Variants in DEPTOR observed in about 807,000 individuals in gnomAD.
DEPTOR encodes DEP domain containing MTOR interacting protein, also known as DEP domain-containing mTOR-interacting protein.
DEPTOR carries 41 observed loss-of-function variants against 41.6 expected under a neutral mutation model. The ratio of observed to expected loss-of-function variants is 0.98; its 90% confidence interval spans 0.77 to 1.28. The LOEUF (loss-of-function observed/expected upper bound fraction) is 1.28. Ranked by LOEUF, DEPTOR falls within the 50% of genes most tolerant of loss-of-function variation. The pLI is 0.00. For synonymous variants in DEPTOR, 195 were observed against 192.3 expected (o/e 1.01, Z -0.12); for missense variants, 514 against 527.9 (o/e 0.97, Z 0.26).
chr8:120,025,265 C>T (rs1237401416), intron 8 of DEPTOR, among the ~76,000 whole-genome samples: 1 of 152,194 alleles, frequency 6.6e-6, no homozygotes, highest in Non-Finnish European at 1.5e-5. Context: ...GGACATTTCA[C>T]TCATTTTCAG....
chr8:119,889,318 C>G (rs1001856466), intron 1 of DEPTOR, among the ~76,000 whole-genome samples: 1 of 151,398 alleles, frequency 6.6e-6, no homozygotes, highest in African/African-American at 2.4e-5. Flanking sequence ...AGGCTGAGGT[C>G]GGAAGATGGC....
At chr8:119,920,462 C>T (rs117723722) in intron 1 of DEPTOR, among the ~76,000 whole-genome samples, 4 of 152,064 alleles carry the variant, frequency 2.6e-5, no homozygotes, top group East Asian at 1.9e-4. Context: ...GCTGGGAAAA[C>T]GTTCACAGAG....
At position 120,001,615 on chromosome 8, in the gene DEPTOR, A is replaced by G. The variant is rs144026723; in HGVS notation, c.695A>G (p.Asn232Ser). 520 of 1,613,924 alleles carry G rather than the reference A, an allele frequency of 3.2e-4. 2 individuals are homozygous for G. Among genetic ancestry groups the G allele is most frequent in the South Asian group, 1.5e-3 (133 of 91,064 alleles). The change falls in exon 5 of 9, where the codon AAT becomes AGT. Residue 232 changes from asparagine (N) to serine (S), a missense_variant. Physicochemically the swap from Asn to Ser is conservative, Grantham distance 46. Coordinates refer to ENST00000286234, the MANE Select transcript of DEPTOR (RefSeq NM_022783.4). Reference protein sequence around the residue: ...RRRRRLMELLNEKSPSSQETH... With the variant: ...RRRRRLMELLSEKSPSSQETH... ...AGGCGAAGACTGATGGAGCTGCTCA[A>G]TGAAAAGTCCCCCTCCTCCCAGGAA... is the stretch of plus-strand genomic sequence containing the variant.
At chr8:119,955,542 C>A (rs1828407190) in intron 3 of DEPTOR, among the ~76,000 whole-genome samples, 1 of 151,896 alleles carries the variant, frequency 6.6e-6, no homozygotes, top group Non-Finnish European at 1.5e-5. Context: ...TCTTGGCTCA[C>A]CGCAACCTCT....
chr8:119,938,885 CTCTCTCTTTCTCTT>C (rs1490011507), intron 3 of DEPTOR, among the ~76,000 whole-genome samples: 1 of 97,870 alleles, frequency 1.0e-5, no homozygotes, highest in Non-Finnish European at 2.5e-5. Context: ...CTTCCCCTCT[CTCTCTCTTTCTCTT>C]TCTCTCTTTC....
At chr8:119,901,535 G>A (rs1827590174) in intron 1 of DEPTOR, among the ~76,000 whole-genome samples, 1 of 152,094 alleles carries the variant, frequency 6.6e-6, no homozygotes, top group Non-Finnish European at 1.5e-5. Context: ...AATTAGCTGT[G>A]TGTGGTGGCA....
At chr8:120,029,098 C>T (rs1451165553) in intron 8 of DEPTOR, among the ~76,000 whole-genome samples, 1 of 151,528 alleles carries the variant, frequency 6.6e-6, no homozygotes, top group Non-Finnish European at 1.5e-5. Flanking sequence ...CAATATTGCT[C>T]ATGCACTCAT....
chr8:120,048,419 G>A (rs917320238), intron 8 of DEPTOR, among the ~76,000 whole-genome samples: 1 of 152,192 alleles, frequency 6.6e-6, no homozygotes, highest in Non-Finnish European at 1.5e-5. Flanking sequence ...TGACCTGTTT[G>A]TGTGACCTTG....
At chr8:119,961,594 C>T (rs1030549528) in intron 3 of DEPTOR, among the ~76,000 whole-genome samples, 4 of 152,022 alleles carry the variant, frequency 2.6e-5, no homozygotes, top group Non-Finnish European at 5.9e-5. Flanking sequence ...GCTTAATTAC[C>T]TCCAAATGCA....
intron 1 of DEPTOR, among the ~76,000 whole-genome samples, chr8:119,918,825 C>T (rs1377739938): frequency 1.3e-5 from 2 of 151,984 alleles, no homozygotes; most frequent in African/African-American, 4.8e-5. Context: ...AACTCCCAAC[C>T]TCAGGTGATC....
At chr8:119,918,040 A>G (rs570487605) in intron 1 of DEPTOR, among the ~76,000 whole-genome samples, 30 of 152,276 alleles carry the variant, frequency 2.0e-4, no homozygotes, top group African/African-American at 6.0e-4. Flanking sequence ...CTATTATCCT[A>G]TGATCCTGCC....
intron 2 of DEPTOR, 57 bp downstream of exon 2, chr8:119,928,635 C>G: frequency 6.4e-7 from 1 of 1,554,338 alleles, no homozygotes; most frequent in Admixed American, 1.9e-5. Context: ...TAGATCTTTT[C>G]ATGAACATAC....
chr8:119,936,294 C>T (rs1828111851), intron 3 of DEPTOR, among the ~76,000 whole-genome samples: 1 of 152,194 alleles, frequency 6.6e-6, no homozygotes, highest in African/African-American at 2.4e-5. Flanking sequence ...GGATCTTTCT[C>T]CTGTTCTCTC....
chr8:120,036,658 C>G (rs549762797), intron 8 of DEPTOR, among the ~76,000 whole-genome samples: 3 of 152,252 alleles, frequency 2.0e-5, no homozygotes, highest in South Asian at 2.1e-4. Context: ...AAGTAGTGTC[C>G]TTGCTGAATG....
intron 1 of DEPTOR, chr8:119,874,198 T>C (rs916386621): frequency 5.0e-6 from 3 of 605,760 alleles, no homozygotes; most frequent in Non-Finnish European, 8.1e-6. Flanking sequence ...GACGAGCGGG[T>C]GGTGCGCGCT....
At position 120,050,886 on chromosome 8, in the gene DEPTOR, A is replaced by AT. The variant is rs954904187; in HGVS notation, c.*1184dup. 2.6e-5 allele frequency: 4 copies of AT among 152,062 alleles called. No homozygotes were observed. The highest frequency in any genetic ancestry group is 9.7e-5 in the African/African-American group (4 of 41,424). The allele number at this position is 152,062 out of a possible 1,614,324, so 9.4% of individuals were successfully genotyped here. ...TGATGACGTTAATTTTTTATCATGC[A>AT]TTAACAAAATAAAATATGAGAATTG... On this transcript the variant is annotated 3_prime_UTR_variant, in exon 9 of 9. Coordinates refer to ENST00000286234, the MANE Select transcript of DEPTOR (RefSeq NM_022783.4).
At chr8:120,043,451 CCTT>C (rs1393301007) in intron 8 of DEPTOR, among the ~76,000 whole-genome samples, 1 of 152,052 alleles carries the variant, frequency 6.6e-6, no homozygotes, top group Non-Finnish European at 1.5e-5. Flanking sequence ...TGAATAAAAA[CCTT>C]CTTAAGAAGC....
chr8:119,899,875 C>G (rs981707413), intron 1 of DEPTOR, among the ~76,000 whole-genome samples: 1 of 152,114 alleles, frequency 6.6e-6, no homozygotes, highest in Non-Finnish European at 1.5e-5. Context: ...TTAGCTTTCC[C>G]TTGAATTTAT....
chr8:119,960,095 A>ATGTCTAATTGC (rs1828471051), intron 3 of DEPTOR, among the ~76,000 whole-genome samples: 1 of 151,888 alleles, frequency 6.6e-6, no homozygotes, highest in South Asian at 2.1e-4. Context: ...ATGGTGGCAC[A>ATGTCTAATTGC]CGCCTGTAAT....
Sources: gnomAD v4.1 joint callset for allele counts (sites outside exome capture counted in the v4.1 genomes callset) on GRCh38, gnomAD v4.1.1 for gene constraint, MANE v1.5 for transcripts, NCBI Gene and HGNC (gene_info 2026-07-23, HGNC 2026-07-21) for gene names.